RFPL4AL1: variants seen among roughly 807,000 people sequenced by gnomAD.
RFPL4AL1 encodes the protein ret finger protein like 4A like 1.
Under a neutral mutation model 8.2 loss-of-function variants are expected in RFPL4AL1, and 2 were observed. The ratio of observed to expected loss-of-function variants is 0.24; its 90% CI spans 0.10 to 0.77. RFPL4AL1 has a LOEUF of 0.77. Ranked by LOEUF, RFPL4AL1 falls within the 30% of genes least tolerant of loss-of-function variation. The pLI, the probability that RFPL4AL1 is intolerant of heterozygous loss-of-function variation, is 0.72. For synonymous variants in RFPL4AL1, 25 were observed against 131.8 expected (o/e 0.19, Z 5.55); for missense variants, 57 against 350.3 (o/e 0.16, Z 6.68).
chr19:55,769,679 G>A (rs7258649), intron 1 of RFPL4AL1, among the ~76,000 whole-genome samples: 9,744 of 150,350 alleles, frequency 0.065, 480 homozygotes, highest in African/African-American at 0.17. Flanking sequence ...CTTCCAGGAT[G>A]GGGATTCATT....
rs1394839586 is a variant in RFPL4AL1 at position 55,772,889 on chromosome 19, A to C, written c.574A>C (p.Arg192=). The stretch of plus-strand genomic sequence containing the variant: ...ACACGGCTTCTTGACTGTGGGTTGC[A>C]GAGAAGGAAAGGTCTTTGCTGCCAG... ...SEHGFLTVGC[R]EGKVFAASTV... is the part of the protein sequence containing the mutation. Residue 192 remains arginine (R), a synonymous_variant, in exon 3 of 3, where the codon AGA becomes CGA. Coordinates refer to ENST00000341750, the MANE Select transcript of RFPL4AL1 (RefSeq NM_001277397.2). 6.5e-7 allele frequency: 1 copy of C among 1,550,120 alleles called. No individual in the cohort carries two copies. Among genetic ancestry groups the C allele is most frequent in the East Asian group, 2.4e-5 (1 of 40,874 alleles).
rs201374745 is a variant in RFPL4AL1, at chr19:55,769,502, C to T, written c.-10+327C>T. 8.6e-5 allele frequency among the ~76,000 whole-genome samples: 13 copies of T among 150,592 alleles called. No individual in the cohort carries two copies. The East Asian group carries it at 1.7e-3, about 19-fold the overall frequency. On this transcript the variant is annotated intron_variant, in intron 1 of 2. Transcript: ENST00000341750. ...TTTGGTATTGTTTTCCTATTCTCCC[C>T]TTCCCACAACCCCTGGCAACCATCA... is the stretch of plus-strand genomic sequence containing the variant.
chr19:55,769,308 T>A (rs1820104), intron 1 of RFPL4AL1, 133 bp downstream of exon 1: 150,822 of 152,058 alleles, frequency 0.99, 74,803 homozygotes, highest in African/African-American at 1. Flanking sequence ...CTGGAGGATA[T>A]TGGGACCTCT....
At chr19:55,769,916 A>T (rs537209995) in intron 1 of RFPL4AL1, among the ~76,000 whole-genome samples, 1 of 150,666 alleles carries the variant, frequency 6.6e-6, no homozygotes, top group East Asian at 1.9e-4. Flanking sequence ...GAATAATCCA[A>T]TGTATATATC....
At chr19:55,770,274 G>A (rs1031703129) in intron 1 of RFPL4AL1, among the ~76,000 whole-genome samples, 1 of 151,904 alleles carries the variant, frequency 6.6e-6, no homozygotes, top group Non-Finnish European at 1.5e-5. Context: ...TTTTATTGCT[G>A]GAGGGCTCAG....
At position 55,770,996 on chromosome 19, in the gene RFPL4AL1, C is replaced by T. The variant is rs373906667; in HGVS notation, c.-9-800C>T. On this transcript the variant is annotated intron_variant, in intron 1 of 2. Coordinates refer to ENST00000341750, the MANE Select transcript of RFPL4AL1 (RefSeq NM_001277397.2). The stretch of plus-strand genomic sequence containing the variant: ...TTTTGGCTTTTTTTTCTTTTTGCTA[C>T]GGCCTTGAAAATATTCCTTATATAT... Among the ~76,000 whole-genome samples, 551 of 151,652 alleles carry T rather than the reference C, an allele frequency of 3.6e-3. 3 individuals are homozygous for T. Among genetic ancestry groups the T allele is most frequent in the African/African-American group, 0.012 (501 of 41,256 alleles).
At chr19:55,771,171 G>T (rs56377192) in intron 1 of RFPL4AL1, among the ~76,000 whole-genome samples, 50,699 of 122,078 alleles carry the variant, frequency 0.42, 7,331 homozygotes, top group Admixed American at 0.5. Context: ...TGTCCTTTTG[G>T]TGTGCTATCA....
Position 55,771,086 on chromosome 19 carries a change from G to GGTTTTTTTTTTTTTTTTTTTT in RFPL4AL1, c.-9-710_-9-709insGTTTTTTTTTTTTTTTTTTTT, listed in dbSNP as rs1555799526. Among the ~76,000 whole-genome samples the GGTTTTTTTTTTTTTTTTTTTT allele has an allele frequency of 1.5e-5, 2 of 130,380 alleles. 1 individual carries two copies. The highest frequency in any genetic ancestry group is 3.2e-5 in the Non-Finnish European group (2 of 63,348). The allele number at this position is 130,380 out of a possible 152,430, so 85.5% of individuals were successfully genotyped here. Reference sequence around the variant, plus strand: ...TTGGTTTCTTTTAGTTCTGTTTTTTGTTTTTTTTTTTTTTTTTTTCCGCTA... The same window carrying GGTTTTTTTTTTTTTTTTTTTT: ...TTGGTTTCTTTTAGTTCTGTTTTTTGGTTTTTTTTTTTTTTTTTTTTTTTTTTTTTTTTTTTTTTTCCGCTA... On this transcript the variant is annotated intron_variant, in intron 1 of 2. Transcript: ENST00000341750.
At chr19:55,770,546 A>AT (rs1989472645) in intron 1 of RFPL4AL1, among the ~76,000 whole-genome samples, 1 of 151,954 alleles carries the variant, frequency 6.6e-6, no homozygotes, top group Non-Finnish European at 1.5e-5. Flanking sequence ...GGAAAAAAGC[A>AT]GAGATTTTTT....
At chr19:55,772,231 C>T in intron 2 of RFPL4AL1, 141 bp downstream of exon 2, 1 of 641,538 alleles carries the variant, frequency 1.6e-6, no homozygotes, top group South Asian at 2.0e-5. Context: ...GCAGTTCTCA[C>T]CTTTGCGTAG....
intron 1 of RFPL4AL1, among the ~76,000 whole-genome samples, chr19:55,769,582 C>T (rs1274775721): frequency 3.3e-5 from 5 of 151,460 alleles, no homozygotes; most frequent in African/African-American, 9.7e-5. Flanking sequence ...CCTTTTAATT[C>T]AGAAGGAGAA....
intron 1 of RFPL4AL1, among the ~76,000 whole-genome samples, chr19:55,771,572 G>A (rs1820105): frequency 0.43 from 60,520 of 141,090 alleles, 9,708 homozygotes; most frequent in South Asian, 0.6. Flanking sequence ...AAAGTCTTTC[G>A]GTGAATCATG....
intron 1 of RFPL4AL1, among the ~76,000 whole-genome samples, chr19:55,770,486 T>C (rs1441715448): frequency 6.6e-6 from 1 of 151,956 alleles, no homozygotes; most frequent in Non-Finnish European, 1.5e-5. Flanking sequence ...GGGGTTTCTA[T>C]TTTTGTCAGT....
chr19:55,771,079 G>GTTTTTTTTTTTTTTTTTTTTTTTT (rs1243816491), intron 1 of RFPL4AL1, among the ~76,000 whole-genome samples: 6 of 89,560 alleles, frequency 6.7e-5, no homozygotes, highest in South Asian at 3.2e-4. Flanking sequence ...TTTTAGTTCT[G>GTTTTTTTTTTTTTTTTTTTTTTTT]TTTTTTGTTT....
intron 1 of RFPL4AL1, among the ~76,000 whole-genome samples, chr19:55,770,179 C>T (rs1400985253): frequency 6.6e-6 from 1 of 152,012 alleles, no homozygotes; most frequent in South Asian, 2.1e-4. Flanking sequence ...AAGGGTTCCC[C>T]TTTCTCCACA....
chr19:55,772,328 AAAAC>A (rs1451183406), intron 2 of RFPL4AL1, among the ~76,000 whole-genome samples: 1 of 130,598 alleles, frequency 7.7e-6, no homozygotes, highest in African/African-American at 2.6e-5. Context: ...TGCTAAATGG[AAAAC>A]TAATTTTCAT....
Position 55,772,335 on chromosome 19 carries a change from A to G in RFPL4AL1, c.286+245A>G, listed in dbSNP as rs1321692941. Reference sequence around the variant, plus strand: ...ATCATATGTGCTAAATGGAAAACTAATTTTCATCAAATTATCCACTAACTT... The same window carrying G: ...ATCATATGTGCTAAATGGAAAACTAGTTTTCATCAAATTATCCACTAACTT... On this transcript the variant is annotated intron_variant, in intron 2 of 2. Transcript: ENST00000341750. 6.9e-5 allele frequency among the ~76,000 whole-genome samples: 9 copies of G among 130,292 alleles called. 1 individual carries two copies. The highest frequency in any genetic ancestry group is 2.1e-4 in the African/African-American group (8 of 38,096). The allele number at this position is 130,292 out of a possible 152,430, so 85.5% of individuals were successfully genotyped here.
chr19:55,771,682 T>TAA, intron 1 of RFPL4AL1, 114 bp from the exon 2 acceptor site: 1 of 1,184,014 alleles, frequency 8.4e-7, no homozygotes, highest in Non-Finnish European at 1.2e-6. Flanking sequence ...AGTAGTGATT[T>TAA]AAAGTATGGT....
rs562729205 is a variant in RFPL4AL1 at position 55,772,210 on chromosome 19, C to A, written c.286+120C>A. 1.7e-4 allele frequency: 108 copies of A among 635,408 alleles called. No individual in the cohort carries two copies. The East Asian group carries it at 2.9e-3, about 17-fold the overall frequency. The allele number at this position is 635,408 out of a possible 1,614,324, so 39.4% of individuals were successfully genotyped here. ...TCTAGCATCTAAAACTTCCATGCTT[C>A]ACAAACAACAGCAGTTCTCACCTTT... On this transcript the variant is annotated intron_variant, in intron 2 of 2. Transcript: ENST00000341750.
Sources: gnomAD v4.1 joint callset for allele counts (sites outside exome capture counted in the v4.1 genomes callset) on GRCh38, gnomAD v4.1.1 for gene constraint, MANE v1.5 for transcripts, NCBI Gene and HGNC (gene_info 2026-07-23, HGNC 2026-07-21) for gene names.